The following OLA1 variants were observed in gnomAD, a reference collection of about 807,000 sequenced individuals.
OLA1 encodes the protein Obg like ATPase 1.
Under a neutral mutation model 48.4 loss-of-function variants are expected in OLA1, and 14 were observed. That is an observed-to-expected ratio of 0.29 (90% CI 0.19 to 0.45). OLA1 has a LOEUF of 0.45. Ranked by LOEUF, OLA1 falls within the 20% of genes least tolerant of loss-of-function variation. The probability of loss-of-function intolerance (pLI) is 1.00; values close to 1 mark genes in which losing one functional copy is unlikely to be tolerated. For missense variants in OLA1, 325 were observed against 467.1 expected (o/e 0.70, Z 2.80); for synonymous variants, 127 against 150.4 (o/e 0.84, Z 1.14).
At chr2:174,167,110 G>A in intron 4 of OLA1, among the ~76,000 whole-genome samples, 1 of 151,146 alleles carries the variant, frequency 6.6e-6, no homozygotes. Context: ...ACAACATTTA[G>A]CCTATCCTCA....
intron 2 of OLA1, among the ~76,000 whole-genome samples, chr2:174,230,254 C>A (rs1212868919): frequency 6.6e-6 from 1 of 151,742 alleles, no homozygotes; most frequent in Non-Finnish European, 1.5e-5. Context: ...AAATATCATA[C>A]AGAGTAAAAT....
At chr2:174,207,114 C>T (rs972874544) in intron 4 of OLA1, among the ~76,000 whole-genome samples, 3 of 152,110 alleles carry the variant, frequency 2.0e-5, no homozygotes, top group African/African-American at 7.2e-5. Flanking sequence ...TAAACAACAC[C>T]TAACTTAACC....
At chr2:174,168,753 A>C (rs1340348379) in intron 4 of OLA1, among the ~76,000 whole-genome samples, 1 of 145,970 alleles carries the variant, frequency 6.9e-6, no homozygotes, top group Non-Finnish European at 1.5e-5. Flanking sequence ...CACAATATGT[A>C]TATCTATCTA....
chr2:174,144,948 A>T lies in OLA1; in HGVS notation c.374-2948T>A, dbSNP rs1327070010. Among the ~76,000 whole-genome samples the T allele has an allele frequency of 4.0e-5, 3 of 75,414 alleles. No individual in the cohort carries two copies. In the East Asian group the frequency reaches 1.8e-3, roughly 45 times the overall value. 49.5% of individuals were successfully genotyped at this position (75,414 alleles called of 152,430 possible). On this transcript the variant is annotated intron_variant, in intron 4 of 10. Transcript: ENST00000284719. ...CCCTGTTTAAAAAAAAAAAAAAAAA[A>T]AAAATATATATATATATATATATAT...
chr2:174,236,337 C>T (rs562729467), intron 2 of OLA1, among the ~76,000 whole-genome samples: 79 of 152,036 alleles, frequency 5.2e-4, no homozygotes, highest in Middle Eastern at 3.4e-3. Flanking sequence ...AAATGAAACA[C>T]ATAATATCCA....
In OLA1 at chr2:174,186,663, C is replaced by T. The variant is rs532330621; in HGVS notation, c.373+36370G>A. ...CTAAGGCCAAGACCTATGTGCATTACTCGCTATTTTTTTTTGCTTATTCTG... is the reference window on the plus strand; with the variant it reads ...CTAAGGCCAAGACCTATGTGCATTATTCGCTATTTTTTTTTGCTTATTCTG... On this transcript the variant is annotated intron_variant, in intron 4 of 10. Coordinates refer to ENST00000284719, the MANE Select transcript of OLA1 (RefSeq NM_013341.5). Among the ~76,000 whole-genome samples, 18 of 148,886 alleles carry T rather than the reference C, an allele frequency of 1.2e-4. No homozygotes were observed. The South Asian group carries it at 3.8e-3, about 31-fold the overall frequency.
intron 7 of OLA1, among the ~76,000 whole-genome samples, chr2:174,118,611 G>GA (rs1226559948): frequency 6.6e-6 from 1 of 152,120 alleles, no homozygotes; most frequent in African/African-American, 2.4e-5. Flanking sequence ...GTGGAAGCTA[G>GA]AAAAAATTTT....
chr2:174,125,131 C>T (rs1682203209), intron 5 of OLA1, among the ~76,000 whole-genome samples: 1 of 152,208 alleles, frequency 6.6e-6, no homozygotes, highest in Non-Finnish European at 1.5e-5. Flanking sequence ...CCTGTGCAGC[C>T]TTGCTATTAA....
intron 7 of OLA1, among the ~76,000 whole-genome samples, chr2:174,111,660 T>C (rs529752287): frequency 1.3e-5 from 2 of 152,288 alleles, no homozygotes; most frequent in East Asian, 3.9e-4. Flanking sequence ...AACCAGAACA[T>C]TATACAAAAC....
chr2:174,204,225 C>A (rs963104433), intron 4 of OLA1, among the ~76,000 whole-genome samples: 2 of 151,824 alleles, frequency 1.3e-5, no homozygotes, highest in African/African-American at 4.8e-5. Flanking sequence ...CATGGTGAAA[C>A]CCCGTCTCCA....
At chr2:174,192,970 A>G (rs1687805775) in intron 4 of OLA1, among the ~76,000 whole-genome samples, 2 of 152,074 alleles carry the variant, frequency 1.3e-5, no homozygotes, top group Admixed American at 6.6e-5. Flanking sequence ...CCACGTGTGT[A>G]AGCGTATGTG....
chr2:174,242,968 G>A (rs556400006), intron 2 of OLA1, among the ~76,000 whole-genome samples: 25 of 151,980 alleles, frequency 1.6e-4, no homozygotes, highest in Non-Finnish European at 2.8e-4. Flanking sequence ...TCCAGCAGGC[G>A]TGAGCCACCA....
In OLA1 at chr2:174,118,519, G is replaced by C. The variant is rs947756198; in HGVS notation, c.728+4661C>G. Among the ~76,000 whole-genome samples, 6 of 152,288 alleles carry C rather than the reference G, an allele frequency of 3.9e-5. No individual in the cohort carries two copies. In the South Asian group the frequency reaches 8.3e-4, roughly 21 times the overall value. On this transcript the variant is annotated intron_variant, in intron 7 of 10. Transcript: ENST00000284719. ...GAACATAGATGTGTGTACATGTATA[G>C]AGAATATATATTTTAATTTCACATG...
chr2:174,122,098 G>A (rs1037843461), intron 7 of OLA1, among the ~76,000 whole-genome samples: 1 of 152,144 alleles, frequency 6.6e-6, no homozygotes, highest in African/African-American at 2.4e-5. Context: ...ACCTGATGGA[G>A]GATACTGACC....
chr2:174,083,645 T>A (rs1684906737), intron 7 of OLA1, among the ~76,000 whole-genome samples: 1 of 152,110 alleles, frequency 6.6e-6, no homozygotes, highest in African/African-American at 2.4e-5. Flanking sequence ...ATTATGGTAT[T>A]CTAAGTTACT....
intron 4 of OLA1, among the ~76,000 whole-genome samples, chr2:174,149,475 T>C (rs1412843736): frequency 2.6e-5 from 4 of 152,300 alleles, no homozygotes; most frequent in Admixed American, 2.6e-4. Context: ...TGAGGCAGTA[T>C]CAAATGAAAT....
intron 4 of OLA1, among the ~76,000 whole-genome samples, chr2:174,192,835 T>A (rs1416536408): frequency 1.3e-5 from 2 of 152,194 alleles, no homozygotes; most frequent in African/African-American, 4.8e-5. Context: ...TTCCATAGTT[T>A]CGAAAAGTCA....
At chr2:174,172,475 T>C (rs1687331485) in intron 4 of OLA1, 1 of 155,804 alleles carries the variant, frequency 6.4e-6, no homozygotes, top group African/African-American at 2.4e-5. Flanking sequence ...CCCACCTTCC[T>C]ACATGCGGAG....
chr2:174,147,919 G>A (rs1351410971), intron 4 of OLA1, among the ~76,000 whole-genome samples: 2 of 152,150 alleles, frequency 1.3e-5, no homozygotes, highest in Admixed American at 6.5e-5. Context: ...CACCTCCCAG[G>A]TTCAAGCAAT....
Sources: gnomAD v4.1 joint callset for allele counts (sites outside exome capture counted in the v4.1 genomes callset) on GRCh38, gnomAD v4.1.1 for gene constraint, MANE v1.5 for transcripts, NCBI Gene and HGNC (gene_info 2026-07-23, HGNC 2026-07-21) for gene names.